GLI3: variants seen among roughly 807,000 people sequenced by gnomAD.
The protein encoded by GLI3 is transcription activator GLI3.
A neutral mutation model predicts 100.8 loss-of-function variants in GLI3; 20 were observed. The observed-to-expected ratio is 0.20, with a 90% confidence interval of 0.14 to 0.29. GLI3 has a LOEUF of 0.29. Ranked by LOEUF, GLI3 falls within the 10% of genes least tolerant of loss-of-function variation. The pLI, the probability that GLI3 is intolerant of heterozygous loss-of-function variation, is 1.00. For missense variants in GLI3, 2,040 were observed against 2,128.5 expected (o/e 0.96, Z 0.82); for synonymous variants, 938 against 860.5 (o/e 1.09, Z -1.58).
intron 1 of GLI3, among the ~76,000 whole-genome samples, chr7:42,262,431 T>G (rs560406456): frequency 6.6e-6 from 1 of 152,088 alleles, no homozygotes. Context: ...AGCTAATTTT[T>G]TTAAATTTTG....
chr7:42,081,371 CAG>C (rs1333069272), intron 3 of GLI3, among the ~76,000 whole-genome samples: 2 of 152,202 alleles, frequency 1.3e-5, no homozygotes, highest in Non-Finnish European at 2.9e-5. Context: ...TTACACTAAA[CAG>C]AGATTTGAAG....
chr7:42,161,539 C>G (rs1009095356), intron 2 of GLI3, among the ~76,000 whole-genome samples: 5 of 152,186 alleles, frequency 3.3e-5, no homozygotes, highest in African/African-American at 1.2e-4. Flanking sequence ...AATAAGGTAA[C>G]TATCATCTCC....
At chr7:41,973,139 C>T (rs972360659) in intron 12 of GLI3, among the ~76,000 whole-genome samples, 5 of 152,228 alleles carry the variant, frequency 3.3e-5, no homozygotes, top group African/African-American at 1.2e-4. Context: ...TATTTATGCA[C>T]AGGCATAATT....
chr7:42,191,566 C>T (rs1367263103), intron 2 of GLI3, among the ~76,000 whole-genome samples: 1 of 151,942 alleles, frequency 6.6e-6, no homozygotes, highest in African/African-American at 2.4e-5. Context: ...GCAGGAGAAT[C>T]GCTTGAACTC....
chr7:42,222,284 G>C (rs1258199090), intron 2 of GLI3, among the ~76,000 whole-genome samples: 2 of 152,198 alleles, frequency 1.3e-5, no homozygotes, highest in African/African-American at 2.4e-5. Flanking sequence ...CAGATAGGCA[G>C]TGTCCAGGAA....
chr7:42,177,596 C>T (rs930176411), intron 2 of GLI3, among the ~76,000 whole-genome samples: 4 of 152,180 alleles, frequency 2.6e-5, no homozygotes, highest in African/African-American at 9.7e-5. Flanking sequence ...GGCTTAAAAA[C>T]ATGTAGATAT....
chr7:42,104,881 A>C lies in GLI3; in HGVS notation c.368-28024T>G, dbSNP rs569873331. Among the ~76,000 whole-genome samples, 24 of 152,314 alleles carry C rather than the reference A, an allele frequency of 1.6e-4. No individual in the cohort carries two copies. In the East Asian group the frequency reaches 4.6e-3, roughly 29 times the overall value. ...ACCAGAAGACAGGTCCTCATCAGAC[A>C]ACAAATCTGCTGGCACCTTGATCTG... is the stretch of plus-strand genomic sequence containing the variant. On this transcript the variant is annotated intron_variant, in intron 3 of 14. Coordinates refer to ENST00000395925, the MANE Select transcript of GLI3 (RefSeq NM_000168.6).
intron 5 of GLI3, among the ~76,000 whole-genome samples, chr7:42,047,330 T>A (rs1784264577): frequency 6.6e-6 from 1 of 152,214 alleles, no homozygotes; most frequent in Non-Finnish European, 1.5e-5. Flanking sequence ...CTGAGACACT[T>A]CATGCAGCTT....
chr7:42,189,847 G>A (rs530391862), intron 2 of GLI3, among the ~76,000 whole-genome samples: 31 of 152,166 alleles, frequency 2.0e-4, no homozygotes, highest in African/African-American at 7.2e-4. Flanking sequence ...AAGCAAGTCT[G>A]AATCAATTAC....
chr7:42,048,623 T>C lies in GLI3; in HGVS notation c.547A>G (p.Thr183Ala), dbSNP rs846266. ...CTGAAGGGAGACTCGGAAGCAGCAG[T>C]GGGGTTCCGGTGTGGGGAGATCCTA... The part of the protein sequence containing the change: ...FIRISPHRNP[T>A]AASESPFSPP... The change falls in exon 5 of 15, where the codon ACT becomes GCT. Residue 183 changes from threonine (T) to alanine (A), a missense_variant. This residue lies in a region of GLI3 where 603 missense variants were observed against 690.9 expected (regional missense o/e 0.87). Coordinates refer to ENST00000395925, the MANE Select transcript of GLI3 (RefSeq NM_000168.6). The C allele has an allele frequency of 0.57, 915,902 of 1,607,848 alleles. 266,873 individuals are homozygous for C. Among genetic ancestry groups the C allele is most frequent in the African/African-American group, 0.87 (63,631 of 73,286 alleles).
chr7:42,084,878 C>G (rs973902898), intron 3 of GLI3, among the ~76,000 whole-genome samples: 1 of 141,650 alleles, frequency 7.1e-6, no homozygotes, highest in South Asian at 2.3e-4. Context: ...ACAGTTATAG[C>G]TCTAAAAATA....
chr7:42,243,926 C>T (rs189700049), intron 1 of GLI3, among the ~76,000 whole-genome samples: 2 of 152,170 alleles, frequency 1.3e-5, no homozygotes, highest in Admixed American at 6.5e-5. Context: ...TTCCACCTCC[C>T]GGGTTCAACC....
Position 42,036,297 on chromosome 7 carries a change from CAT to C in GLI3, c.1028+3739_1028+3740del, listed in dbSNP as rs1406036237. ...CAGAAAGCCAGAATTATTCATCCAC[CAT>C]GTAGAAACTTACTTTAATAAGGGGA... On this transcript the variant is annotated intron_variant, in intron 7 of 14. Transcript: ENST00000395925. 2.6e-5 allele frequency among the ~76,000 whole-genome samples: 4 copies of C among 152,264 alleles called. No individual in the cohort carries two copies. In the South Asian group the frequency reaches 6.2e-4, roughly 24 times the overall value.
intron 9 of GLI3, among the ~76,000 whole-genome samples, 182 bp downstream of exon 9, chr7:42,025,082 T>C (rs1789070486): frequency 6.6e-6 from 1 of 152,130 alleles, no homozygotes; most frequent in Non-Finnish European, 1.5e-5. Context: ...GCTAGAAAAA[T>C]GATTTAGTCA....
At position 41,966,601 on chromosome 7, in the gene GLI3, C is replaced by T; in HGVS notation, c.2472G>A (p.Met824Ile). 2 of 1,614,118 alleles carry T rather than the reference C, an allele frequency of 1.2e-6. No individual in the cohort carries two copies. The highest frequency in any genetic ancestry group is 1.7e-6 in the Non-Finnish European group (2 of 1,180,012). The change falls in exon 15 of 15, where the codon ATG (methionine) becomes ATA (isoleucine). Residue 824 changes from methionine (M) to isoleucine (I), a missense_variant. Physicochemically the swap from Met to Ile is conservative, Grantham distance 10. Around this residue, in one of 5 missense-constraint regions of GLI3, gnomAD observed 327 missense variants for 338.7 expected, o/e 0.97. Transcript: ENST00000395925. The surrounding 1 kb of genome is among the most constrained non-coding windows in gnomAD (Gnocchi z 5.8). ...GGTCGCTTCTGCCCGGGAGAAGCGT[C>T]ATGGGCCCACCCAAGCTGCAGGTGT... ...SNNTCSLGGPMTLLPGRSDLS... is the reference protein window; with the variant it reads ...SNNTCSLGGPITLLPGRSDLS...
chr7:42,116,108 C>T (rs1253097052), intron 3 of GLI3, among the ~76,000 whole-genome samples: 2 of 152,072 alleles, frequency 1.3e-5, no homozygotes, highest in African/African-American at 4.8e-5. Flanking sequence ...ATGAGACACA[C>T]ATTTCTGCAA....
chr7:42,025,177 C>A (rs980427148), intron 9 of GLI3, 87 bp downstream of exon 9: 3 of 840,604 alleles, frequency 3.6e-6, no homozygotes, highest in African/African-American at 3.3e-5. Flanking sequence ...GAAAAAGACA[C>A]CAGGTCTGGG....
intron 2 of GLI3, among the ~76,000 whole-genome samples, chr7:42,175,991 ACT>A (rs1373754439): frequency 6.6e-6 from 1 of 152,024 alleles, no homozygotes; most frequent in Non-Finnish European, 1.5e-5. Flanking sequence ...CACGCACATA[ACT>A]CTGAACAGTA....
chr7:42,141,858 A>G (rs1435544975), intron 3 of GLI3, among the ~76,000 whole-genome samples: 1 of 152,094 alleles, frequency 6.6e-6, no homozygotes, highest in Non-Finnish European at 1.5e-5. Flanking sequence ...AGCCACTCTG[A>G]TGGGCAGGCT....
Sources: gnomAD v4.1 joint callset for allele counts (sites outside exome capture counted in the v4.1 genomes callset) on GRCh38, gnomAD v4.1.1 for gene constraint, gnomAD v4.1.1 regional missense constraint, Gnocchi (gnomAD v3.1) non-coding constraint, MANE v1.5 for transcripts, NCBI Gene and HGNC (gene_info 2026-07-23, HGNC 2026-07-21) for gene names.